RAB31: variants seen among roughly 807,000 people sequenced by gnomAD.
The protein encoded by RAB31 is ras-related protein Rab-31.
Under a neutral mutation model 25.6 loss-of-function variants are expected in RAB31, and 21 were observed. The observed-to-expected ratio is 0.82, with a 90% CI of 0.58 to 1.18. The LOEUF is 1.18. RAB31 is among the 50% of genes most tolerant of loss of function. The pLI is 0.00. For synonymous variants in RAB31, 87 were observed against 84.0 expected (o/e 1.04, Z -0.20); for missense variants, 196 against 250.1 (o/e 0.78, Z 1.46).
intron 5 of RAB31, among the ~76,000 whole-genome samples, chr18:9,834,131 T>C (rs1430259423): frequency 1.3e-5 from 2 of 152,178 alleles, no homozygotes. Context: ...TTTTTCTTTT[T>C]TGAGATGTAG....
chr18:9,788,602 C>T (rs2068445183), intron 2 of RAB31, among the ~76,000 whole-genome samples: 1 of 152,196 alleles, frequency 6.6e-6, no homozygotes, highest in Admixed American at 6.5e-5. Flanking sequence ...TACCTGCACT[C>T]ACAGATTTAT....
intron 1 of RAB31, among the ~76,000 whole-genome samples, chr18:9,762,542 G>C (rs1213825888): frequency 6.6e-6 from 1 of 152,162 alleles, no homozygotes; most frequent in Non-Finnish European, 1.5e-5. Context: ...TGGATAGGAA[G>C]TATGATTTAA....
chr18:9,793,391 G>A (rs866520544), intron 3 of RAB31, among the ~76,000 whole-genome samples: 20 of 152,132 alleles, frequency 1.3e-4, no homozygotes, highest in African/African-American at 2.4e-4. Context: ...GGCCGGACGC[G>A]GTGGCTCACG....
At chr18:9,719,920 C>T (rs940304116) in intron 1 of RAB31, among the ~76,000 whole-genome samples, 16 of 151,902 alleles carry the variant, frequency 1.1e-4, no homozygotes, top group Non-Finnish European at 8.8e-5. Context: ...CAGCAAGCCG[C>T]GGGGCACAGC....
chr18:9,781,057 G>A (rs928872053), intron 2 of RAB31, among the ~76,000 whole-genome samples: 2 of 152,126 alleles, frequency 1.3e-5, no homozygotes, highest in Admixed American at 6.5e-5. Context: ...CTTAGCAATG[G>A]AATAATTTAG....
rs1335182395 is a variant in RAB31, at chr18:9,766,335, G to T, written c.40-8943G>T. 6.6e-6 allele frequency among the ~76,000 whole-genome samples: 1 copy of T among 152,210 alleles called. No homozygotes were observed. The highest frequency in any genetic ancestry group is 1.9e-4 in the East Asian group (1 of 5,178). ...TGCGAGCTCCATCTGCCCCCGGAGT[G>T]GGTGAGCCAGGCAAGCGTGGCACTG... On this transcript the variant is annotated intron_variant, in intron 1 of 6. Coordinates refer to ENST00000578921, the MANE Select transcript of RAB31 (RefSeq NM_006868.4). This position sits in a 1 kb window ranked among gnomAD's most constrained non-coding sequence, Gnocchi z 4.3.
Position 9,859,566 on chromosome 18 carries a change from A to G in RAB31, c.*241A>G. ...CCTTTAGTGTATGAAATGCACATGG[A>G]GGGGATGTAGTTGCATTTTTGCTAA... On this transcript the variant is annotated 3_prime_UTR_variant, in exon 7 of 7. Coordinates refer to ENST00000578921, the MANE Select transcript of RAB31 (RefSeq NM_006868.4). The G allele has an allele frequency of 3.1e-6, 1 of 318,556 alleles. No individual in the cohort carries two copies. The highest frequency in any genetic ancestry group is 5.6e-6 in the Non-Finnish European group (1 of 177,250). 19.7% of individuals were successfully genotyped at this position (318,556 alleles called of 1,614,324 possible).
chr18:9,811,159 G>A (rs1191636303), intron 3 of RAB31, among the ~76,000 whole-genome samples: 3 of 152,170 alleles, frequency 2.0e-5, no homozygotes, highest in East Asian at 1.9e-4. Flanking sequence ...AGTGGGTGGC[G>A]CCGGCCCTTC....
chr18:9,733,902 AG>A (rs2068136206), intron 1 of RAB31, among the ~76,000 whole-genome samples: 1 of 151,734 alleles, frequency 6.6e-6, no homozygotes, highest in Non-Finnish European at 1.5e-5. Flanking sequence ...GTTACTGGGG[AG>A]GGGGGGCTTG....
chr18:9,791,512 C>T (rs1321394135), intron 2 of RAB31, among the ~76,000 whole-genome samples: 3 of 150,620 alleles, frequency 2.0e-5, no homozygotes, highest in South Asian at 2.1e-4. Context: ...ATTCTCCTGC[C>T]GCAGCCTCCC....
chr18:9,729,710 A>G (rs1395837629), intron 1 of RAB31, among the ~76,000 whole-genome samples: 3 of 149,478 alleles, frequency 2.0e-5, no homozygotes, highest in African/African-American at 7.4e-5. Context: ...TGATTAATTC[A>G]TAATCATTAT....
At chr18:9,764,892 G>C (rs1259862909) in intron 1 of RAB31, among the ~76,000 whole-genome samples, 1 of 152,100 alleles carries the variant, frequency 6.6e-6, no homozygotes, top group East Asian at 1.9e-4. Flanking sequence ...TCATGAGGTA[G>C]ATAGATAAAA....
At position 9,720,992 on chromosome 18, in the gene RAB31, G is replaced by A. The variant is rs1355731794; in HGVS notation, c.39+12548G>A. ...CTGTGCAGGTCGTTCTCTGGGGTCC[G>A]TGGTCCATCATGGGAGGGCAGCCAC... On this transcript the variant is annotated intron_variant, in intron 1 of 6. Transcript: ENST00000578921. 3.3e-5 allele frequency among the ~76,000 whole-genome samples: 5 copies of A among 152,216 alleles called. No homozygotes were observed. The South Asian group carries it at 6.2e-4, about 19-fold the overall frequency.
chr18:9,767,739 C>CT (rs976516364), intron 1 of RAB31, among the ~76,000 whole-genome samples: 2 of 152,016 alleles, frequency 1.3e-5, no homozygotes, highest in African/African-American at 4.8e-5. Flanking sequence ...TATTATTACA[C>CT]TTTAAGTTCT....
At chr18:9,847,240 C>T (rs1367954985) in intron 6 of RAB31, among the ~76,000 whole-genome samples, 2 of 152,214 alleles carry the variant, frequency 1.3e-5, no homozygotes, top group Non-Finnish European at 2.9e-5. Flanking sequence ...CTGCTATGCT[C>T]AGCTATGAAA....
chr18:9,846,021 G>T lies in RAB31; in HGVS notation c.490+330G>T, dbSNP rs1278912676. On this transcript the variant is annotated intron_variant, in intron 6 of 6. Transcript: ENST00000578921. ...TAGGAGGAGAGAGAAAATAGACAAG[G>T]TATAGAACTCAAGGTCACCCATTAG... Among the ~76,000 whole-genome samples the T allele has an allele frequency of 3.9e-5, 6 of 152,170 alleles. No individual in the cohort carries two copies. The South Asian group carries it at 1.0e-3, about 26-fold the overall frequency.
At chr18:9,747,598 A>G (rs1011052621) in intron 1 of RAB31, among the ~76,000 whole-genome samples, 1 of 152,224 alleles carries the variant, frequency 6.6e-6, no homozygotes, top group Admixed American at 6.5e-5. Context: ...AAATGAGAGA[A>G]ACCAGACACA....
chr18:9,812,124 G>A (rs1397554595), intron 3 of RAB31, among the ~76,000 whole-genome samples: 1 of 152,122 alleles, frequency 6.6e-6, no homozygotes, highest in African/African-American at 2.4e-5. Flanking sequence ...CTCCTTATAA[G>A]GGACTAATCC....
At chr18:9,744,680 T>C (rs761007944) in intron 1 of RAB31, among the ~76,000 whole-genome samples, 7 of 152,206 alleles carry the variant, frequency 4.6e-5, no homozygotes, top group Admixed American at 6.5e-5. Flanking sequence ...CTTAAGACAT[T>C]GGAAGTTTTT....
Sources: allele counts gnomAD v4.1 joint callset (sites outside exome capture counted in the v4.1 genomes callset), GRCh38; gene constraint gnomAD v4.1.1; non-coding constraint Gnocchi (gnomAD v3.1); transcripts MANE v1.5; gene names NCBI Gene and HGNC (gene_info 2026-07-23, HGNC 2026-07-21).